FRYL: variants seen among roughly 807,000 people sequenced by gnomAD.
FRYL encodes protein furry homolog-like.
FRYL carries 150 observed loss-of-function variants against 351.2 expected under a neutral mutation model. That is an observed-to-expected ratio of 0.43 (90% CI 0.37 to 0.49). The LOEUF is 0.49. FRYL is among the 20% of genes least tolerant of loss of function. The probability of loss-of-function intolerance (pLI) is 0.00; values close to 1 mark genes in which losing one functional copy is unlikely to be tolerated. For missense variants in FRYL, 3,036 were observed against 3,619.3 expected, an observed-to-expected ratio of 0.84 and a Z score of 4.13; for synonymous variants, 1,153 against 1,257.1, an observed-to-expected ratio of 0.92 and a Z score of 1.75.
intron 7 of FRYL, among the ~76,000 whole-genome samples, chr4:48,614,809 T>C: frequency 7.2e-6 from 1 of 139,486 alleles, no homozygotes; most frequent in South Asian, 2.2e-4. Context: ...TGCCAAAAGT[T>C]TAATGCTTTT....
At chr4:48,684,364 C>T (rs1284489059) in intron 3 of FRYL, among the ~76,000 whole-genome samples, 15 of 152,116 alleles carry the variant, frequency 9.9e-5, no homozygotes, top group Admixed American at 3.9e-4. Flanking sequence ...TAAGCCCCCT[C>T]GTTATAGGTG....
chr4:48,764,954 C>T (rs552936870), intron 1 of FRYL, among the ~76,000 whole-genome samples: 2 of 152,276 alleles, frequency 1.3e-5, no homozygotes, highest in East Asian at 1.9e-4. Context: ...AAGCAATTCT[C>T]CTGCCTCAGC....
intron 40 of FRYL, among the ~76,000 whole-genome samples, chr4:48,548,002 TG>T (rs1359432335): frequency 1.3e-5 from 2 of 152,104 alleles, no homozygotes; most frequent in Non-Finnish European, 2.9e-5. Context: ...TAAAATTTAG[TG>T]ATCTCTTAAA....
intron 9 of FRYL, among the ~76,000 whole-genome samples, chr4:48,608,200 T>A (rs1285089120): frequency 1.3e-5 from 2 of 152,188 alleles, no homozygotes; most frequent in African/African-American, 4.8e-5. Flanking sequence ...TTTAAAAATA[T>A]GCTAAATAAA....
chr4:48,513,933 G>A (rs1723002423), intron 56 of FRYL, among the ~76,000 whole-genome samples: 1 of 152,138 alleles, frequency 6.6e-6, no homozygotes. Flanking sequence ...TGGCATCCCT[G>A]AACTTGTGCA....
intron 1 of FRYL, among the ~76,000 whole-genome samples, chr4:48,757,402 T>TA (rs1264399890): frequency 6.6e-6 from 1 of 152,004 alleles, no homozygotes; most frequent in East Asian, 1.9e-4. Context: ...TCTCAGGATA[T>TA]AAAATCAATG....
intron 3 of FRYL, among the ~76,000 whole-genome samples, chr4:48,643,130 T>C (rs541280319): frequency 1.4e-4 from 21 of 152,358 alleles, no homozygotes; most frequent in African/African-American, 3.6e-4. Flanking sequence ...AAAATAGTCC[T>C]GTAAACACCA....
At chr4:48,604,447 G>A (rs1234144025) in intron 11 of FRYL, among the ~76,000 whole-genome samples, 4 of 152,150 alleles carry the variant, frequency 2.6e-5, no homozygotes, top group Non-Finnish European at 5.9e-5. Flanking sequence ...AGTTAGGATC[G>A]GGAAGACCCT....
In FRYL at chr4:48,620,783, A is replaced by G; in HGVS notation, c.175-5T>C. On this transcript the variant is annotated splice_polypyrimidine_tract_variant and splice_region_variant and intron_variant, in intron 5 of 63. Transcript: ENST00000358350. ...TGAGCTCATAGAGCTTATCAACTGA[A>G]AACACAAGATATTACCAGAAAATAA... 6.2e-7 allele frequency: 1 copy of G among 1,610,328 alleles called. No homozygotes were observed. Among genetic ancestry groups the G allele is most frequent in the Non-Finnish European group, 8.5e-7 (1 of 1,177,356 alleles).
At chr4:48,629,085 T>C (rs1752458098) in intron 4 of FRYL, among the ~76,000 whole-genome samples, 1 of 150,894 alleles carries the variant, frequency 6.6e-6, no homozygotes, top group Admixed American at 6.6e-5. Context: ...CATAATACTA[T>C]AAAAAGTTAA....
In FRYL at chr4:48,747,970, G is replaced by A. The variant is rs907076850; in HGVS notation, c.-384+32108C>T. Among the ~76,000 whole-genome samples, 3 of 152,206 alleles carry A rather than the reference G, an allele frequency of 2.0e-5. 1 individual carries two copies. Among genetic ancestry groups the A allele is most frequent in the Non-Finnish European group, 4.4e-5 (3 of 68,034 alleles). On this transcript the variant is annotated intron_variant, in intron 1 of 63. Coordinates refer to ENST00000358350, the MANE Select transcript of FRYL (RefSeq NM_015030.2). ...TTAAAAATATTAAGCATCAGGCCAG[G>A]CGTGGTGGCTCACGCCTGTAATGCC...
chr4:48,743,321 C>T (rs1263078992), intron 1 of FRYL, among the ~76,000 whole-genome samples: 2 of 152,066 alleles, frequency 1.3e-5, no homozygotes, highest in Non-Finnish European at 2.9e-5. Flanking sequence ...ATAACAATTA[C>T]AGGGGTTCAA....
In FRYL at chr4:48,523,032, G is replaced by A; in HGVS notation, c.7390C>T (p.Pro2464Ser). Residue 2464 changes from proline to serine, a missense_variant, in exon 54 of 64, where the codon CCA becomes TCA. Around this residue, in one of 7 missense-constraint regions of FRYL, gnomAD observed 1,987 missense variants for 2,311.7 expected, o/e 0.86. Transcript: ENST00000358350. ...GAGCACTGGTACTCCTGGAGGGATG[G>A]AGTGTCCCCTTTGTCAATACTGTCC... ...SLDSIDKGDT[P>S]SLQEYQCSSS... 1 of 1,613,810 alleles carries A rather than the reference G, an allele frequency of 6.2e-7. No individual in the cohort carries two copies. The highest frequency in any genetic ancestry group is 8.5e-7 in the Non-Finnish European group (1 of 1,179,758).
chr4:48,502,405 C>T (rs1719902890), intron 61 of FRYL, among the ~76,000 whole-genome samples: 2 of 151,800 alleles, frequency 1.3e-5, no homozygotes. Flanking sequence ...ATTAGCTGGG[C>T]ATGGTGGTGG....
At chr4:48,699,754 CT>C (rs1002465948) in intron 2 of FRYL, among the ~76,000 whole-genome samples, 2 of 151,294 alleles carry the variant, frequency 1.3e-5, no homozygotes, top group Admixed American at 1.3e-4. Flanking sequence ...GCCTCTTTTC[CT>C]TTTTCCTCCT....
chr4:48,700,223 T>TA (rs1438811842), intron 2 of FRYL, among the ~76,000 whole-genome samples: 3 of 152,188 alleles, frequency 2.0e-5, no homozygotes, highest in Admixed American at 2.0e-4. Flanking sequence ...GATTTTTTTT[T>TA]AATATATCAG....
intron 1 of FRYL, among the ~76,000 whole-genome samples, chr4:48,763,723 C>T (rs1171787323): frequency 6.6e-6 from 1 of 152,134 alleles, no homozygotes; most frequent in Non-Finnish European, 1.5e-5. Flanking sequence ...CCGCTAAGAT[C>T]AGCCAAGAAA....
intron 19 of FRYL, among the ~76,000 whole-genome samples, chr4:48,584,446 G>A (rs1401337144): frequency 6.6e-6 from 1 of 152,180 alleles, no homozygotes; most frequent in Non-Finnish European, 1.5e-5. Flanking sequence ...GACAGACTGA[G>A]GAGTAAGCAA....
chr4:48,527,472 C>T lies in FRYL; in HGVS notation c.7317+5G>A. ...AATATTAACAGAGAAAGCCCACATCCTTACCTCTGCATCTTCCAATTCAAC... is the reference window on the plus strand; with the variant it reads ...AATATTAACAGAGAAAGCCCACATCTTTACCTCTGCATCTTCCAATTCAAC... On this transcript the variant is annotated splice_donor_5th_base_variant and intron_variant, in intron 53 of 63. Coordinates refer to ENST00000358350, the MANE Select transcript of FRYL (RefSeq NM_015030.2). 2 of 1,607,676 alleles carry T rather than the reference C, an allele frequency of 1.2e-6. No individual in the cohort carries two copies. Among genetic ancestry groups the T allele is most frequent in the Non-Finnish European group, 1.7e-6 (2 of 1,176,152 alleles).
Sources: allele counts gnomAD v4.1 joint callset (sites outside exome capture counted in the v4.1 genomes callset), GRCh38; gene constraint gnomAD v4.1.1; regional missense constraint gnomAD v4.1.1; transcripts MANE v1.5; gene names NCBI Gene and HGNC (gene_info 2026-07-23, HGNC 2026-07-21).